Variants in COMT observed in about 807,000 individuals in gnomAD.
COMT encodes catechol-O-methyltransferase.
COMT carries 13 observed loss-of-function variants against 18.9 expected under a neutral mutation model. The observed-to-expected ratio is 0.69, with a 90% CI of 0.45 to 1.09. The LOEUF (loss-of-function observed/expected upper bound fraction) is 1.09. Ranked by LOEUF, COMT falls within the 50% of genes least tolerant of loss-of-function variation. The pLI is 0.00. For synonymous variants in COMT, 150 were observed against 160.9 expected (o/e 0.93, Z 0.51); for missense variants, 329 against 361.8 (o/e 0.91, Z 0.73).
chr22:19,957,148 C>T (rs1395313456), intron 1 of COMT, among the ~76,000 whole-genome samples: 1 of 152,096 alleles, frequency 6.6e-6, no homozygotes, highest in Non-Finnish European at 1.5e-5. Context: ...GACAGGGTTT[C>T]ACTGTGTTAG....
At chr22:19,948,557 G>A (rs1029605823) in intron 1 of COMT, among the ~76,000 whole-genome samples, 1 of 152,206 alleles carries the variant, frequency 6.6e-6, no homozygotes, top group African/African-American at 2.4e-5. Flanking sequence ...GTACTCTGAA[G>A]ACTGAGGCGG....
chr22:19,963,801 G>A (rs1469153601), intron 4 of COMT, 42 bp downstream of exon 4: 9 of 1,588,650 alleles, frequency 5.7e-6, no homozygotes, highest in African/African-American at 2.7e-5. Context: ...AAAAAGGGCC[G>A]GCTGTGGGCA....
chr22:19,961,992 G>A (rs1205021351), intron 2 of COMT: 1 of 175,572 alleles, frequency 5.7e-6, no homozygotes, highest in Non-Finnish European at 1.2e-5. Flanking sequence ...GACTGCCAGT[G>A]TCCTTACTTG....
At position 19,968,625 on chromosome 22, in the gene COMT, G is replaced by A. The variant is rs1353033263; in HGVS notation, c.705G>A (p.Gly235=). Residue 235 remains glycine, a synonymous_variant, in exon 6 of 6, where the codon GGG becomes GGA. Coordinates refer to ENST00000361682, the MANE Select transcript of COMT (RefSeq NM_000754.4). ...GAPDFLAHVR[G]SSCFECTHYQ... ...CAGACTTCCTAGCACACGTGCGCGG[G>A]AGCAGCTGCTTTGAGTGCACACACT... is the stretch of plus-strand genomic sequence containing the variant. The A allele has an allele frequency of 1.2e-6, 2 of 1,613,970 alleles. No homozygotes were observed. Among genetic ancestry groups the A allele is most frequent in the Admixed American group, 1.7e-5 (1 of 60,018 alleles).
Position 19,964,312 on chromosome 22 carries a change from C to T in COMT, c.615+13C>T. ...GCTTCTCTTGGAGGTGAGCCCCAACCAGGATGGCATCCGTGCCAGCTGCTG... is the reference window on the plus strand; with the variant it reads ...GCTTCTCTTGGAGGTGAGCCCCAACTAGGATGGCATCCGTGCCAGCTGCTG... On this transcript the variant is annotated intron_variant, in intron 5 of 5. Transcript: ENST00000361682. 1 of 1,613,818 alleles carries T rather than the reference C, an allele frequency of 6.2e-7. No homozygotes were observed. The highest frequency in any genetic ancestry group is 8.5e-7 in the Non-Finnish European group (1 of 1,180,034).
At chr22:19,951,094 G>T (rs113099378) in intron 1 of COMT, 20,985 of 152,024 alleles carry the variant, frequency 0.14, 1,695 homozygotes, top group Non-Finnish European at 0.18. Context: ...GCGCGGTGGC[G>T]CACGCCTGTA....
Position 19,969,046 on chromosome 22 carries a change from C to T in COMT, c.*310C>T, listed in dbSNP as rs1240338742. The T allele has an allele frequency of 1.9e-5, 5 of 264,794 alleles. No individual in the cohort carries two copies. Among genetic ancestry groups the T allele is most frequent in the Non-Finnish European group, 3.0e-5 (4 of 134,162 alleles). The allele number at this position is 264,794 out of a possible 1,614,324, so 16.4% of individuals were successfully genotyped here. The stretch of plus-strand genomic sequence containing the variant: ...TAGATATAACTCGACTTAGTACATC[C>T]TTCTCAACTGCCATTCCCCTGCTGC... On this transcript the variant is annotated 3_prime_UTR_variant, in exon 6 of 6. Coordinates refer to ENST00000361682, the MANE Select transcript of COMT (RefSeq NM_000754.4).
At chr22:19,952,126 G>A (rs1941951937) in intron 1 of COMT, among the ~76,000 whole-genome samples, 2 of 152,004 alleles carry the variant, frequency 1.3e-5, no homozygotes, top group South Asian at 2.1e-4. Context: ...ATAGCAAGAC[G>A]CTGTCTCTAC....
In COMT at chr22:19,941,913, AGACCGGGGCCGAATGCG is replaced by A; in HGVS notation, c.-92+18_-92+34del. 2 of 1,190,792 alleles carry A rather than the reference AGACCGGGGCCGAATGCG, an allele frequency of 1.7e-6. No homozygotes were observed. The highest frequency in any genetic ancestry group is 4.0e-5 in the South Asian group (2 of 49,792). 73.8% of individuals were successfully genotyped at this position (1,190,792 alleles called of 1,614,324 possible). On this transcript the variant is annotated intron_variant, in intron 1 of 5. Coordinates refer to ENST00000361682, the MANE Select transcript of COMT (RefSeq NM_000754.4). ...CGCGGGAGAGGTGAGAGCGCTGGCTAGACCGGGGCCGAATGCGGCCGGATTCGGGGCGGGGGCCTTCA... is the reference window on the plus strand; with the variant it reads ...CGCGGGAGAGGTGAGAGCGCTGGCTAGCCGGATTCGGGGCGGGGGCCTTCA...
At chr22:19,966,118 G>A (rs912467128) in intron 5 of COMT, among the ~76,000 whole-genome samples, 1 of 152,216 alleles carries the variant, frequency 6.6e-6, no homozygotes, top group Non-Finnish European at 1.5e-5. Flanking sequence ...GCGCAAAGCT[G>A]GTAATTATCT....
chr22:19,954,367 AG>A, intron 1 of COMT, among the ~76,000 whole-genome samples: 1 of 152,160 alleles, frequency 6.6e-6, no homozygotes, highest in Middle Eastern at 3.4e-3. Flanking sequence ...TTCCCTATGT[AG>A]GGTGCAGTCT....
intron 1 of COMT, among the ~76,000 whole-genome samples, chr22:19,960,683 C>A (rs2146160021): frequency 6.6e-6 from 1 of 152,360 alleles, no homozygotes; most frequent in Admixed American, 6.5e-5. Context: ...TGTCACTGAG[C>A]CCTGCACCGG....
intron 1 of COMT, among the ~76,000 whole-genome samples, chr22:19,947,857 G>A (rs562527420): frequency 7.9e-5 from 12 of 152,268 alleles, no homozygotes; most frequent in African/African-American, 2.2e-4. Flanking sequence ...AGGCACTGAC[G>A]CAACTGCTAG....
chr22:19,962,898 T>C (rs745940378), intron 3 of COMT, 83 bp downstream of exon 3: 8 of 1,502,118 alleles, frequency 5.3e-6, no homozygotes, highest in Non-Finnish European at 7.2e-6. Flanking sequence ...GAAGCTGTTA[T>C]CACCCCATTT....
intron 1 of COMT, among the ~76,000 whole-genome samples, chr22:19,942,433 C>A (rs1306612075): frequency 1.5e-4 from 23 of 152,200 alleles, no homozygotes; most frequent in Non-Finnish European, 1.5e-5. Context: ...ACCCCAGGGC[C>A]TTTCCCTGCA....
intron 1 of COMT, among the ~76,000 whole-genome samples, chr22:19,949,473 C>G (rs1433071316): frequency 6.6e-6 from 1 of 152,170 alleles, no homozygotes; most frequent in East Asian, 1.9e-4. Context: ...TCTTTGCATA[C>G]TTTTCATATA....
At position 19,962,970 on chromosome 22, in the gene COMT, A is replaced by T. The variant is rs1352800009; in HGVS notation, c.289+155A>T. ...GGCTGGGGGGCTCCTCTGGAGTCCC[A>T]GGGTGCCAGGGTCCCTGATGACCCC... On this transcript the variant is annotated intron_variant, in intron 3 of 5. Transcript: ENST00000361682. 15 of 928,476 alleles carry T rather than the reference A, an allele frequency of 1.6e-5. No homozygotes were observed. The Admixed American group carries it at 4.4e-4, about 27-fold the overall frequency. 57.5% of individuals were successfully genotyped at this position (928,476 alleles called of 1,614,324 possible).
chr22:19,959,049 G>A (rs1942130554), intron 1 of COMT, among the ~76,000 whole-genome samples: 1 of 152,174 alleles, frequency 6.6e-6, no homozygotes, highest in Non-Finnish European at 1.5e-5. Flanking sequence ...ACGCTCCCCA[G>A]ACCACACAGC....
At position 19,950,241 on chromosome 22, in the gene COMT, CTT is replaced by C. The variant is rs55653258; in HGVS notation, c.-92+8365_-92+8366del. ...TATATTTTTTCTTTTCTTTTCTTTT[CTT>C]TTTTTTTTTTTTTTTTTTTTCTGTA... On this transcript the variant is annotated intron_variant, in intron 1 of 5. Coordinates refer to ENST00000361682, the MANE Select transcript of COMT (RefSeq NM_000754.4). 7.4e-3 allele frequency among the ~76,000 whole-genome samples: 651 copies of C among 87,804 alleles called. 1 individual carries two copies. The highest frequency in any genetic ancestry group is 0.027 in the African/African-American group (622 of 22,878). 57.6% of individuals were successfully genotyped at this position (87,804 alleles called of 152,430 possible).
Sources: gnomAD v4.1 joint callset for allele counts (sites outside exome capture counted in the v4.1 genomes callset) on GRCh38, gnomAD v4.1.1 for gene constraint, MANE v1.5 for transcripts, NCBI Gene and HGNC (gene_info 2026-07-23, HGNC 2026-07-21) for gene names.